Variants in TCF12 observed in about 807,000 individuals in gnomAD.
TCF12 encodes the protein transcription factor 12.
Under a neutral mutation model 86.0 loss-of-function variants are expected in TCF12, and 45 were observed. The observed-to-expected ratio is 0.52, with a 90% CI of 0.41 to 0.67. The LOEUF (loss-of-function observed/expected upper bound fraction) is 0.67. TCF12 is among the 30% of genes least tolerant of loss of function. TCF12 has a pLI of 0.00. For missense variants in TCF12, 881 were observed against 859.9 expected (o/e 1.02, Z -0.31); for synonymous variants, 330 against 299.6 (o/e 1.10, Z -1.05).
intron 3 of TCF12, among the ~76,000 whole-genome samples, chr15:56,926,552 C>T (rs561637860): frequency 6.6e-6 from 1 of 152,230 alleles, no homozygotes; most frequent in South Asian, 2.1e-4. Context: ...AAGAACTGGT[C>T]TTACAGCTGA....
chr15:57,253,412 C>T lies in TCF12; in HGVS notation c.1411C>T (p.Leu471Phe), dbSNP rs779673260. ...ATCCCATAATGCACCAATTGGAAGC[C>T]TCAATTCAAACTATGGAGGATCAAG... ...GPSHNAPIGSLNSNYGGSSLV... is the reference protein window; with the variant it reads ...GPSHNAPIGSFNSNYGGSSLV... Residue 471 changes from leucine (L) to phenylalanine (F), a missense_variant, in exon 16 of 21, where the codon CTC (leucine) becomes TTC (phenylalanine). Leu to Phe is a conservative substitution (Grantham distance 22, BLOSUM62 0). Around this residue, in one of 3 missense-constraint regions of TCF12, gnomAD observed 766 missense variants for 718.9 expected, o/e 1.07. Coordinates refer to ENST00000333725, the MANE Select transcript of TCF12 (RefSeq NM_207037.2). 2 of 1,614,044 alleles carry T rather than the reference C, an allele frequency of 1.2e-6. No individual in the cohort carries two copies. The highest frequency in any genetic ancestry group is 3.3e-5 in the Admixed American group (2 of 60,010).
chr15:57,159,272 A>T (rs2054331765), intron 5 of TCF12, among the ~76,000 whole-genome samples: 1 of 152,232 alleles, frequency 6.6e-6, no homozygotes. Context: ...GAATCCAGTA[A>T]TCAGAATTCC....
At chr15:57,125,012 A>T (rs2051532617) in intron 5 of TCF12, among the ~76,000 whole-genome samples, 1 of 152,104 alleles carries the variant, frequency 6.6e-6, no homozygotes, top group Admixed American at 6.5e-5. Context: ...CATCAACCTG[A>T]TTATATTTCT....
intron 3 of TCF12, among the ~76,000 whole-genome samples, chr15:57,024,276 G>A (rs1032939330): frequency 7.0e-6 from 1 of 142,890 alleles, no homozygotes. Flanking sequence ...AGGTTAGAGT[G>A]AGGTAGTGCG....
At chr15:57,172,565 T>A (rs2055590098) in intron 6 of TCF12, among the ~76,000 whole-genome samples, 1 of 151,876 alleles carries the variant, frequency 6.6e-6, no homozygotes, top group Non-Finnish European at 1.5e-5. Flanking sequence ...AAGACTTAAA[T>A]AAAAACTCTG....
chr15:56,981,878 T>G (rs1306124723), intron 3 of TCF12, among the ~76,000 whole-genome samples: 4 of 152,142 alleles, frequency 2.6e-5, no homozygotes, highest in African/African-American at 9.7e-5. Context: ...ATCTTCATCA[T>G]TGTCTTCATG....
Position 56,976,103 on chromosome 15 carries a change from G to A in TCF12, c.148+55005G>A, listed in dbSNP as rs924928479. ...ATCACTAGTTACACTGGTGGAGGAT[G>A]CTAATGAAACAGTCATTTTTTTTTA... On this transcript the variant is annotated intron_variant, in intron 3 of 20. Transcript: ENST00000333725. Among the ~76,000 whole-genome samples the A allele has an allele frequency of 2.0e-5, 3 of 151,970 alleles. No homozygotes were observed. In the East Asian group the frequency reaches 5.8e-4, roughly 29 times the overall value.
At chr15:56,929,852 A>G (rs1335535117) in intron 3 of TCF12, among the ~76,000 whole-genome samples, 1 of 152,154 alleles carries the variant, frequency 6.6e-6, no homozygotes, top group Non-Finnish European at 1.5e-5. Flanking sequence ...CTGTGGTGTT[A>G]GGAAGGTGCC....
At chr15:57,139,243 T>G (rs2052776741) in intron 5 of TCF12, among the ~76,000 whole-genome samples, 1 of 152,208 alleles carries the variant, frequency 6.6e-6, no homozygotes, top group African/African-American at 2.4e-5. Flanking sequence ...TACTTTCCTC[T>G]GCTCTAAAAT....
At chr15:57,045,543 T>C (rs1016830753) in intron 3 of TCF12, among the ~76,000 whole-genome samples, 1 of 152,134 alleles carries the variant, frequency 6.6e-6, no homozygotes, top group South Asian at 2.1e-4. Flanking sequence ...GTTTGCGTTA[T>C]TGTTTTAGTT....
chr15:57,273,347 A>G (rs2061233466), intron 19 of TCF12, 85 bp downstream of exon 19: 2 of 1,399,178 alleles, frequency 1.4e-6, no homozygotes, highest in Admixed American at 4.0e-5. Flanking sequence ...TGCTTGGAGA[A>G]GTTGTTTGTT....
chr15:57,133,223 T>C (rs765662255), intron 5 of TCF12, among the ~76,000 whole-genome samples: 3 of 152,236 alleles, frequency 2.0e-5, no homozygotes, highest in African/African-American at 4.8e-5. Context: ...CTGAACAGAA[T>C]AGCCATCTTC....
intron 3 of TCF12, among the ~76,000 whole-genome samples, chr15:56,922,360 G>A (rs1595689392): frequency 6.6e-6 from 1 of 152,080 alleles, no homozygotes; most frequent in South Asian, 2.1e-4. Context: ...TAACTGGACA[G>A]TCACTGATAC....
intron 3 of TCF12, among the ~76,000 whole-genome samples, chr15:56,992,457 A>G (rs1172225059): frequency 6.6e-6 from 1 of 152,234 alleles, no homozygotes; most frequent in Non-Finnish European, 1.5e-5. Context: ...TTCTGAAATA[A>G]AACATGTCCT....
At chr15:57,044,972 A>G (rs762058844) in intron 3 of TCF12, among the ~76,000 whole-genome samples, 1 of 152,228 alleles carries the variant, frequency 6.6e-6, no homozygotes, top group Non-Finnish European at 1.5e-5. Flanking sequence ...AGCATCCAGA[A>G]TCATAGTAGA....
chr15:56,962,526 A>G (rs1456596523), intron 3 of TCF12, among the ~76,000 whole-genome samples: 4 of 152,218 alleles, frequency 2.6e-5, no homozygotes, highest in African/African-American at 9.6e-5. Flanking sequence ...CATGTTAAAG[A>G]AAAGATCCCA....
At chr15:57,135,819 T>C (rs2052478472) in intron 5 of TCF12, among the ~76,000 whole-genome samples, 1 of 152,180 alleles carries the variant, frequency 6.6e-6, no homozygotes, top group Non-Finnish European at 1.5e-5. Context: ...TAAAAGCCAC[T>C]TTGGCAGAAT....
intron 8 of TCF12, among the ~76,000 whole-genome samples, chr15:57,214,811 C>T (rs1210410787): frequency 2.0e-5 from 3 of 151,946 alleles, no homozygotes; most frequent in African/African-American, 7.3e-5. Context: ...CATGGAGTGC[C>T]ACTTGAGTAA....
At chr15:57,122,298 TG>T (rs1263911347) in intron 5 of TCF12, among the ~76,000 whole-genome samples, 1 of 152,082 alleles carries the variant, frequency 6.6e-6, no homozygotes, top group African/African-American at 2.4e-5. Context: ...GAGAGATGCA[TG>T]TTTGATTTCC....
Sources: gnomAD v4.1 joint callset for allele counts (sites outside exome capture counted in the v4.1 genomes callset) on GRCh38, gnomAD v4.1.1 for gene constraint, gnomAD v4.1.1 regional missense constraint, MANE v1.5 for transcripts, NCBI Gene and HGNC (gene_info 2026-07-23, HGNC 2026-07-21) for gene names.